RIDA: variants seen among roughly 807,000 people sequenced by gnomAD.
RIDA encodes the protein 2-iminobutanoate/2-iminopropanoate deaminase.
RIDA carries 17 observed loss-of-function variants against 17.8 expected under a neutral mutation model. The observed-to-expected ratio is 0.96, with a 90% CI of 0.65 to 1.43. The LOEUF (loss-of-function observed/expected upper bound fraction) is 1.43, where lower values mean the gene tolerates loss of function less well. Among genes scored for constraint, RIDA ranks in the 40% most tolerant of loss-of-function variants. RIDA has a pLI of 0.00. For synonymous variants in RIDA, 48 were observed against 55.7 expected, an observed-to-expected ratio of 0.86 and a Z score of 0.62; for missense variants, 158 against 161.7, an observed-to-expected ratio of 0.98 and a Z score of 0.12.
rs909108124 is a variant in RIDA, at chr8:98,105,946, T to C, written c.287A>G (p.Tyr96Cys). Residue 96 changes from tyrosine to cysteine, a missense_variant, in exon 4 of 6, where the codon TAC becomes TGC. Physicochemically the swap from Tyr to Cys is radical, Grantham distance 194. Coordinates refer to ENST00000254878, the MANE Select transcript of RIDA (RefSeq NM_005836.3). ...AAAGCCAAATTACTTACACTGTTTG[T>C]AGATTTCATTGACAGTATTGAAGTC... ...INDFNTVNEIYKQYFKSNFPA... is the reference protein window; with the variant it reads ...INDFNTVNEICKQYFKSNFPA... 2.5e-6 allele frequency: 4 copies of C among 1,599,986 alleles called. 1 individual carries two copies. In the Admixed American group the frequency reaches 6.7e-5, roughly 27 times the overall value.
At chr8:98,110,973 T>C (rs1330948815) in intron 1 of RIDA, among the ~76,000 whole-genome samples, 1 of 152,194 alleles carries the variant, frequency 6.6e-6, no homozygotes, top group Non-Finnish European at 1.5e-5. Flanking sequence ...CCTTCCGCCA[T>C]TATTGTAAGT....
intron 4 of RIDA, among the ~76,000 whole-genome samples, chr8:98,104,850 A>G (rs111279394): frequency 0.074 from 11,250 of 152,048 alleles, 503 homozygotes; most frequent in Middle Eastern, 0.23. Flanking sequence ...AGCTGGGATT[A>G]CAGGTGTGCA....
At chr8:98,110,452 G>A (rs572681816) in intron 1 of RIDA, among the ~76,000 whole-genome samples, 63 of 152,166 alleles carry the variant, frequency 4.1e-4, no homozygotes, top group African/African-American at 1.1e-3. Context: ...TAGAGATGGG[G>A]TTTTGCCATG....
rs1457439781 is a variant in RIDA, at chr8:98,105,949, AT to A, written c.283del (p.Ile95SerfsTer32). The A allele has an allele frequency of 6.2e-7, 1 of 1,602,632 alleles. No homozygotes were observed. Among genetic ancestry groups the A allele is most frequent in the Non-Finnish European group, 8.5e-7 (1 of 1,169,890 alleles). On this transcript the variant is annotated frameshift_variant, in exon 4 of 6. Transcript: ENST00000254878. LOFTEE classifies it high-confidence loss of function. ...DINDFNTVNE[I>X]YKQYFKSNFP... is the part of the protein sequence containing the mutation. Reference sequence around the variant, plus strand: ...GCCAAATTACTTACACTGTTTGTAGATTTCATTGACAGTATTGAAGTCATTT... The same window carrying A: ...GCCAAATTACTTACACTGTTTGTAGATTCATTGACAGTATTGAAGTCATTT...
At chr8:98,110,130 G>A (rs1815703255) in intron 1 of RIDA, among the ~76,000 whole-genome samples, 1 of 152,296 alleles carries the variant, frequency 6.6e-6, no homozygotes, top group African/African-American at 2.4e-5. Flanking sequence ...GTTGTCTAGG[G>A]CCAGGGGTGA....
At position 98,102,392 on chromosome 8, in the gene RIDA, A is replaced by G. The variant is rs1448023861; in HGVS notation, c.*450T>C. 6.6e-6 allele frequency: 1 copy of G among 152,576 alleles called. No individual in the cohort carries two copies. Among genetic ancestry groups the G allele is most frequent in the Non-Finnish European group, 1.5e-5 (1 of 68,336 alleles). The allele number at this position is 152,576 out of a possible 1,614,324, so 9.5% of individuals were successfully genotyped here. A position where few individuals can be genotyped will look rare whatever the true frequency, so the allele number is the denominator to read the frequency against. On this transcript the variant is annotated 3_prime_UTR_variant, in exon 6 of 6. Transcript: ENST00000254878. ...ATTAGAAAAATATTATCTATATAACATTTTGTTCCACTATCTTCTCCTTGA... is the reference window on the plus strand; with the variant it reads ...ATTAGAAAAATATTATCTATATAACGTTTTGTTCCACTATCTTCTCCTTGA...
chr8:98,114,408 C>T (rs1586218057), intron 1 of RIDA, among the ~76,000 whole-genome samples: 1 of 151,732 alleles, frequency 6.6e-6, no homozygotes, highest in East Asian at 1.9e-4. Flanking sequence ...TCACCGCGAC[C>T]TCTGCCTTCC....
chr8:98,112,573 A>T (rs143010270), intron 1 of RIDA, among the ~76,000 whole-genome samples: 11 of 152,338 alleles, frequency 7.2e-5, no homozygotes, highest in African/African-American at 2.6e-4. Flanking sequence ...AGAGCTAAGG[A>T]GGTATGTTTA....
At chr8:98,108,139 T>A (rs1815660029) in intron 2 of RIDA, among the ~76,000 whole-genome samples, 1 of 152,146 alleles carries the variant, frequency 6.6e-6, no homozygotes, top group African/African-American at 2.4e-5. Flanking sequence ...AGTCTTGAAC[T>A]CCTGACCTCA....
intron 2 of RIDA, among the ~76,000 whole-genome samples, chr8:98,107,701 G>A (rs906414122): frequency 2.6e-5 from 4 of 151,476 alleles, no homozygotes; most frequent in Non-Finnish European, 5.9e-5. Flanking sequence ...AGGTTTAAGC[G>A]ATTCTTCTGC....
At chr8:98,109,724 T>C (rs1815692712) in intron 1 of RIDA, among the ~76,000 whole-genome samples, 1 of 152,170 alleles carries the variant, frequency 6.6e-6, no homozygotes, top group East Asian at 1.9e-4. Flanking sequence ...GCCTCCTAAG[T>C]AGCTGAGACT....
At chr8:98,113,603 T>C (rs1417086960) in intron 1 of RIDA, 2 of 152,168 alleles carry the variant, frequency 1.3e-5, no homozygotes, top group Non-Finnish European at 2.9e-5. Flanking sequence ...TCTTTTTAGC[T>C]TTCAGCTTTA....
Position 98,104,662 on chromosome 8 carries a change from A to C in RIDA, c.296-118T>G. On this transcript the variant is annotated intron_variant, in intron 4 of 5. Transcript: ENST00000254878. ...TTGTTATTCAATATCTACAATTAAT[A>C]ATCTGGCAAATATTTCATATACTAG... 4.6e-6 allele frequency: 3 copies of C among 651,022 alleles called. No homozygotes were observed. The South Asian group carries it at 5.4e-5, about 12-fold the overall frequency. The allele number at this position is 651,022 out of a possible 1,614,324, so 40.3% of individuals were successfully genotyped here.
chr8:98,108,045 C>T (rs534213983), intron 2 of RIDA, among the ~76,000 whole-genome samples: 2 of 151,988 alleles, frequency 1.3e-5, no homozygotes, highest in Non-Finnish European at 2.9e-5. Context: ...GCTGGGATTA[C>T]AGGTGTGAGC....
intron 1 of RIDA, among the ~76,000 whole-genome samples, chr8:98,115,413 A>AAAGGG (rs1554623078): frequency 1.1e-5 from 1 of 91,892 alleles, no homozygotes; most frequent in African/African-American, 4.9e-5. Context: ...AAAAAAAAAA[A>AAAGGG]AAGGGATAGT....
At position 98,102,753 on chromosome 8, in the gene RIDA, T is replaced by C. The variant is rs1815576921; in HGVS notation, c.*89A>G. ...TTCATCAAACTCACACTGTCATCAA[T>C]TGTGAAAATTAAAAGGTTAATTAAG... On this transcript the variant is annotated 3_prime_UTR_variant, in exon 6 of 6. Coordinates refer to ENST00000254878, the MANE Select transcript of RIDA (RefSeq NM_005836.3). 1.2e-6 allele frequency: 1 copy of C among 852,616 alleles called. No individual in the cohort carries two copies. The highest frequency in any genetic ancestry group is 1.9e-6 in the Non-Finnish European group (1 of 540,304). The allele number at this position is 852,616 out of a possible 1,614,324, so 52.8% of individuals were successfully genotyped here. A position where few individuals can be genotyped will look rare whatever the true frequency, so the allele number is the denominator to read the frequency against.
intron 2 of RIDA, among the ~76,000 whole-genome samples, chr8:98,107,606 T>G (rs1815649315): frequency 6.6e-6 from 1 of 152,146 alleles, no homozygotes; most frequent in African/African-American, 2.4e-5. Flanking sequence ...TTTATTTTAT[T>G]TTATTTTTTG....
intron 4 of RIDA, among the ~76,000 whole-genome samples, chr8:98,104,966 C>T (rs559510561): frequency 1.4e-4 from 21 of 152,172 alleles, no homozygotes; most frequent in Admixed American, 3.3e-4. Context: ...CCACCTCAGC[C>T]TCTCAAAGTG....
At chr8:98,109,739 G>A (rs1019422391) in intron 1 of RIDA, among the ~76,000 whole-genome samples, 1 of 152,026 alleles carries the variant, frequency 6.6e-6, no homozygotes, top group Admixed American at 6.6e-5. Flanking sequence ...GAGACTAAAG[G>A]TGTGCACCAC....
Sources: gnomAD v4.1 joint callset for allele counts (sites outside exome capture counted in the v4.1 genomes callset) on GRCh38, gnomAD v4.1.1 for gene constraint, MANE v1.5 for transcripts, NCBI Gene and HGNC (gene_info 2026-07-23, HGNC 2026-07-21) for gene names.